Variants in EGLN2 observed in about 807,000 individuals in gnomAD.
EGLN2 encodes the protein prolyl hydroxylase EGLN2.
A neutral mutation model predicts 38.2 loss-of-function variants in EGLN2; 15 were observed. That is an observed-to-expected ratio of 0.39 (90% CI 0.26 to 0.60). The LOEUF is 0.60. EGLN2 is among the 20% of genes least tolerant of loss of function. EGLN2 has a pLI of 0.50. For synonymous variants in EGLN2, 284 were observed against 237.4 expected (o/e 1.20, Z -1.81); for missense variants, 492 against 570.4 (o/e 0.86, Z 1.40).
Position 40,807,236 on chromosome 19 carries a change from G to T in EGLN2, c.1062G>T (p.Arg354=), listed in dbSNP as rs1286662546. 96 of 1,614,060 alleles carry T rather than the reference G, an allele frequency of 5.9e-5. No individual in the cohort carries two copies. Among genetic ancestry groups the T allele is most frequent in the Non-Finnish European group, 8.1e-5 (96 of 1,180,016 alleles). The part of the protein sequence containing the change: ...FDRLLIFWSD[R]RNPHEVKPAY... ...GGTTGCTCATTTTCTGGTCTGACCG[G>T]CGGAACCCCCACGAGGTGAAGCCAG... The change falls in exon 4 of 6, where the codon CGG becomes CGT. Residue 354 remains arginine (R), a synonymous_variant. Transcript: ENST00000303961.
chr19:40,807,211 G>A lies in EGLN2; in HGVS notation c.1037G>A (p.Arg346Gln). ...GCCAACATCGAGCCACTCTTTGACCGGTTGCTCATTTTCTGGTCTGACCGG... is the reference window on the plus strand; with the variant it reads ...GCCAACATCGAGCCACTCTTTGACCAGTTGCTCATTTTCTGGTCTGACCGG... The part of the protein sequence containing the change: ...VVANIEPLFD[R>Q]LLIFWSDRRN... Residue 346 changes from arginine to glutamine, a missense_variant, in exon 4 of 6, where the codon CGG becomes CAG. Physicochemically the swap from Arg to Gln is conservative, Grantham distance 43 (BLOSUM62 1). This residue lies in a region of EGLN2 where 114 missense variants were observed against 184.2 expected (regional missense o/e 0.62). Coordinates refer to ENST00000303961, the MANE Select transcript of EGLN2 (RefSeq NM_080732.4). The A allele has an allele frequency of 1.9e-6, 3 of 1,614,180 alleles. No individual in the cohort carries two copies. The highest frequency in any genetic ancestry group is 1.7e-6 in the Non-Finnish European group (2 of 1,180,016).
At chr19:40,806,793 C>G in intron 3 of EGLN2, 119 bp downstream of exon 3, 1 of 1,377,506 alleles carries the variant, frequency 7.3e-7, no homozygotes, top group South Asian at 1.3e-5. Context: ...TTTCTCTTCT[C>G]AACACACAGC....
rs35718994 is a variant in EGLN2, at chr19:40,806,587, C to A, written c.876C>A (p.Leu292=). The A allele has an allele frequency of 1.9e-6, 3 of 1,613,924 alleles. No individual in the cohort carries two copies. The African/African-American group carries it at 4.0e-5, about 22-fold the overall frequency. Residue 292 remains leucine (L), a synonymous_variant, in exon 3 of 6, where the codon CTC becomes CTA. Transcript: ENST00000303961. ...TGGCGTGTTACCCAGGCAACGGGCT[C>A]GGGTACGTAAGGCACGTTGACAATC... ...AMVACYPGNG[L]GYVRHVDNPH...
intron 5 of EGLN2, 64 bp downstream of exon 5, chr19:40,807,615 C>G (rs557408858): frequency 6.5e-7 from 1 of 1,548,174 alleles, no homozygotes; most frequent in Non-Finnish European, 8.9e-7. Context: ...GATGCCACCC[C>G]ATCCCCCTCA....
intron 2 of EGLN2, among the ~76,000 whole-genome samples, chr19:40,802,902 G>T (rs1360961312): frequency 6.6e-6 from 1 of 152,278 alleles, no homozygotes; most frequent in African/African-American, 2.4e-5. Context: ...CCCATCTTGG[G>T]TTCTGCTTCT....
chr19:40,801,305 G>A lies in EGLN2; in HGVS notation c.733G>A (p.Gly245Ser). The A allele has an allele frequency of 6.2e-7, 1 of 1,613,124 alleles. No homozygotes were observed. The highest frequency in any genetic ancestry group is 2.2e-5 in the East Asian group (1 of 44,882). ...IRGDQIAWVE[G>S]HEPGCRSIGA... ...TGGGGACCAGATTGCCTGGGTGGAAGGCCATGAACCAGGCTGTCGAAGCAT... is the reference window on the plus strand; with the variant it reads ...TGGGGACCAGATTGCCTGGGTGGAAAGCCATGAACCAGGCTGTCGAAGCAT... Residue 245 changes from glycine to serine, a missense_variant, in exon 2 of 6, where the codon GGC (glycine) becomes AGC (serine). Around this residue, in one of 2 missense-constraint regions of EGLN2, gnomAD observed 378 missense variants for 386.2 expected, o/e 0.98. Coordinates refer to ENST00000303961, the MANE Select transcript of EGLN2 (RefSeq NM_080732.4).
rs2083319421 is a variant in EGLN2 at position 40,808,104 on chromosome 19, C to T, written c.*240C>T. ...CAGCCGTGGAGGCCACCGTTACCAA[C>T]TGAAGCTGGGGGCCTGGGTCCTACC... is the stretch of plus-strand genomic sequence containing the variant. On this transcript the variant is annotated 3_prime_UTR_variant, in exon 6 of 6. Coordinates refer to ENST00000303961, the MANE Select transcript of EGLN2 (RefSeq NM_080732.4). 4 of 589,210 alleles carry T rather than the reference C, an allele frequency of 6.8e-6. No individual in the cohort carries two copies. Among genetic ancestry groups the T allele is most frequent in the Non-Finnish European group, 1.2e-5 (4 of 330,586 alleles). 36.5% of individuals were successfully genotyped at this position (589,210 alleles called of 1,614,324 possible).
intron 2 of EGLN2, among the ~76,000 whole-genome samples, chr19:40,802,451 C>T (rs1054530990): frequency 1.3e-5 from 2 of 152,222 alleles, no homozygotes; most frequent in African/African-American, 4.8e-5. Flanking sequence ...TCTTCCTCTG[C>T]CTTTATGTGT....
chr19:40,800,457 G>T lies in EGLN2; in HGVS notation c.-116G>T. ...TCTGCCCTGCCTCACCCTGCCCCAC[G>T]CCAGGCCCGGTGGCCCCCAGCTGCA... is the stretch of plus-strand genomic sequence containing the variant. On this transcript the variant is annotated 5_prime_UTR_variant, in exon 2 of 6. Transcript: ENST00000303961. The T allele has an allele frequency of 7.0e-7, 1 of 1,426,058 alleles. No individual in the cohort carries two copies. The highest frequency in any genetic ancestry group is 9.2e-7 in the Non-Finnish European group (1 of 1,087,118). 88.3% of individuals were successfully genotyped at this position (1,426,058 alleles called of 1,614,324 possible). A position where few individuals can be genotyped will look rare whatever the true frequency, so the allele number is the denominator to read the frequency against.
chr19:40,803,006 C>G (rs1225209538), intron 2 of EGLN2: 1 of 152,310 alleles, frequency 6.6e-6, no homozygotes, highest in Admixed American at 6.5e-5. Flanking sequence ...GGAACTTGTT[C>G]TACTTCCCTC....
intron 2 of EGLN2, among the ~76,000 whole-genome samples, chr19:40,802,022 G>A (rs13347002): frequency 0.012 from 1,899 of 152,174 alleles, 35 homozygotes; most frequent in African/African-American, 0.044. Flanking sequence ...ACCAAGCACG[G>A]GGATGTAGAT....
chr19:40,801,651 C>CTTTTTTTTTTTTTTTTTTTTTTTGTTTT, intron 2 of EGLN2, among the ~76,000 whole-genome samples: 1 of 102,716 alleles, frequency 9.7e-6, no homozygotes, highest in Non-Finnish European at 1.9e-5. Flanking sequence ...CACAGTGGTT[C>CTTTTTTTTTTTTTTTTTTTTTTTGTTTT]TTTTTTTTTT....
chr19:40,807,059 C>T, intron 3 of EGLN2, 79 bp from the exon 4 acceptor site: 2 of 1,590,926 alleles, frequency 1.3e-6, no homozygotes, highest in East Asian at 4.5e-5. Flanking sequence ...GCTGCGCCTC[C>T]TAGTGGGCTC....
In EGLN2 at chr19:40,806,599, G is replaced by A; in HGVS notation, c.888G>A (p.Arg296=). Residue 296 remains arginine (R), a synonymous_variant, in exon 3 of 6, where the codon AGG becomes AGA. Transcript: ENST00000303961. ...CYPGNGLGYV[R]HVDNPHGDGR... ...CAGGCAACGGGCTCGGGTACGTAAGGCACGTTGACAATCCCCACGGCGATG... is the reference window on the plus strand; with the variant it reads ...CAGGCAACGGGCTCGGGTACGTAAGACACGTTGACAATCCCCACGGCGATG... 1.9e-6 allele frequency: 3 copies of A among 1,614,064 alleles called. No homozygotes were observed. The highest frequency in any genetic ancestry group is 2.5e-6 in the Non-Finnish European group (3 of 1,179,962).
chr19:40,801,379 G>A lies in EGLN2; in HGVS notation c.807G>A (p.Gly269=), dbSNP rs755605331. ...HVDAVIRHCA[G]RLGSYVINGR... is the part of the protein sequence containing the mutation. ...ACGCCGTCATCCGCCACTGCGCAGG[G>A]CGGCTGGGCAGCTATGTCATCAACG... Residue 269 remains glycine, a synonymous_variant, in exon 2 of 6, where the codon GGG becomes GGA. Transcript: ENST00000303961. 3 of 1,609,210 alleles carry A rather than the reference G, an allele frequency of 1.9e-6. No homozygotes were observed. The highest frequency in any genetic ancestry group is 2.2e-5 in the South Asian group (2 of 91,062).
rs1234683261 is a variant in EGLN2, at chr19:40,806,618, G to T, written c.907G>T (p.Gly303Cys). 6.2e-7 allele frequency: 1 copy of T among 1,614,128 alleles called. No homozygotes were observed. The highest frequency in any genetic ancestry group is 1.7e-5 in the Admixed American group (1 of 60,006). ...CGTAAGGCACGTTGACAATCCCCAC[G>T]GCGATGGGCGCTGCATCACCTGTAT... is the stretch of plus-strand genomic sequence containing the variant. ...GYVRHVDNPHGDGRCITCIYY... is the reference protein window; with the variant it reads ...GYVRHVDNPHCDGRCITCIYY... The change falls in exon 3 of 6, where the codon GGC (glycine) becomes TGC (cysteine). Residue 303 changes from glycine (G) to cysteine (C), a missense_variant. Gly to Cys is a radical substitution (Grantham distance 159, BLOSUM62 -3). Transcript: ENST00000303961.
chr19:40,800,858 G>T lies in EGLN2; in HGVS notation c.286G>T (p.Ala96Ser). ...GCTGCGGCCGCTGCAGAGTGAAGGC[G>T]CTGCAGCGCTGGTCACCAAGGGGTG... ...GELRPLQSEG[A>S]AALVTKGCQR... The change falls in exon 2 of 6, where the codon GCT becomes TCT. Residue 96 changes from alanine to serine, a missense_variant. Ala to Ser is a moderately conservative substitution (Grantham distance 99, BLOSUM62 1). This residue lies in a region of EGLN2 where 378 missense variants were observed against 386.2 expected (regional missense o/e 0.98). Coordinates refer to ENST00000303961, the MANE Select transcript of EGLN2 (RefSeq NM_080732.4). 1 of 1,612,380 alleles carries T rather than the reference G, an allele frequency of 6.2e-7. No individual in the cohort carries two copies. The highest frequency in any genetic ancestry group is 8.5e-7 in the Non-Finnish European group (1 of 1,179,646).
chr19:40,805,395 C>T (rs550504689), intron 2 of EGLN2: 1 of 152,228 alleles, frequency 6.6e-6, no homozygotes, highest in Admixed American at 6.5e-5. Flanking sequence ...TGCTCCAGTT[C>T]TCCATGTGGC....
rs1360513767 is a variant in EGLN2, at chr19:40,800,645, T to C, written c.73T>C (p.Leu25=). Reference sequence around the variant, plus strand: ...GTTACCAGGGTCTTCGTCAGAGCCCTTGGAGCCTGAGCCTGGCCGGGCCAG... The same window carrying C: ...GTTACCAGGGTCTTCGTCAGAGCCCCTGGAGCCTGAGCCTGGCCGGGCCAG... The part of the protein sequence containing the change: ...PQLPGSSSEP[L]EPEPGRARMG... The change falls in exon 2 of 6, where the codon TTG becomes CTG. Residue 25 remains leucine (L), a synonymous_variant. Coordinates refer to ENST00000303961, the MANE Select transcript of EGLN2 (RefSeq NM_080732.4). 2 of 1,613,870 alleles carry C rather than the reference T, an allele frequency of 1.2e-6. No individual in the cohort carries two copies. The highest frequency in any genetic ancestry group is 2.2e-5 in the East Asian group (1 of 44,884).
Sources: allele counts gnomAD v4.1 joint callset (sites outside exome capture counted in the v4.1 genomes callset), GRCh38; gene constraint gnomAD v4.1.1; regional missense constraint gnomAD v4.1.1; transcripts MANE v1.5; gene names NCBI Gene and HGNC (gene_info 2026-07-23, HGNC 2026-07-21).